RNF111: variants seen among roughly 807,000 people sequenced by gnomAD.
RNF111 encodes the protein E3 ubiquitin-protein ligase Arkadia.
Under a neutral mutation model 95.1 loss-of-function variants are expected in RNF111, and 17 were observed. The ratio of observed to expected loss-of-function variants is 0.18; its 90% confidence interval spans 0.12 to 0.27. The LOEUF is 0.27. RNF111 is among the 10% of genes least tolerant of loss of function. RNF111 has a pLI of 1.00. For synonymous variants in RNF111, 440 were observed against 414.8 expected (o/e 1.06, Z -0.74); for missense variants, 1,189 against 1,210.4 (o/e 0.98, Z 0.26).
At chr15:59,039,417 A>G (rs918067808) in intron 2 of RNF111, among the ~76,000 whole-genome samples, 2 of 152,190 alleles carry the variant, frequency 1.3e-5, no homozygotes, top group African/African-American at 4.8e-5. Flanking sequence ...TTCATTTACC[A>G]CTTCTCAGAA....
chr15:59,076,258 A>T (rs200316505), intron 7 of RNF111, 43 bp downstream of exon 7: 2 of 1,585,904 alleles, frequency 1.3e-6, no homozygotes, highest in East Asian at 4.5e-5. Context: ...AGTCATGTCA[A>T]TGAAGCATTT....
At chr15:59,024,123 A>C (rs1435734483) in intron 1 of RNF111, among the ~76,000 whole-genome samples, 2 of 152,300 alleles carry the variant, frequency 1.3e-5, no homozygotes, top group African/African-American at 4.8e-5. Context: ...CTGAAGAAGG[A>C]AATTGAGCAA....
At chr15:59,006,224 A>C (rs1567204987) in intron 1 of RNF111, among the ~76,000 whole-genome samples, 1 of 152,236 alleles carries the variant, frequency 6.6e-6, no homozygotes, top group South Asian at 2.1e-4. Context: ...TATAATTTAT[A>C]TACAATATGA....
At chr15:59,063,070 T>C (rs2042509253) in intron 5 of RNF111, among the ~76,000 whole-genome samples, 2 of 152,222 alleles carry the variant, frequency 1.3e-5, no homozygotes, top group Non-Finnish European at 2.9e-5. Flanking sequence ...TATCCTAAAT[T>C]GTCTCCATGC....
At position 59,095,272 on chromosome 15, in the gene RNF111, T is replaced by C. The variant is rs1213199809; in HGVS notation, c.*372T>C. 2 of 191,912 alleles carry C rather than the reference T, an allele frequency of 1.0e-5. No homozygotes were observed. The highest frequency in any genetic ancestry group is 1.2e-4 in the Admixed American group (2 of 16,562). The allele number at this position is 191,912 out of a possible 1,614,324, so 11.9% of individuals were successfully genotyped here. On this transcript the variant is annotated 3_prime_UTR_variant, in exon 14 of 14. Transcript: ENST00000348370. ...TTTTTTACATAGTACCAAGCCTTGATAATTATGAATTTTTTATCCATTACT... is the reference window on the plus strand; with the variant it reads ...TTTTTTACATAGTACCAAGCCTTGACAATTATGAATTTTTTATCCATTACT...
At chr15:58,993,221 A>T (rs1479890782) in intron 1 of RNF111, among the ~76,000 whole-genome samples, 1 of 151,760 alleles carries the variant, frequency 6.6e-6, no homozygotes, top group Non-Finnish European at 1.5e-5. Context: ...AATAATTAGT[A>T]AAAGTGGCCA....
chr15:59,069,040 C>T (rs2042793295), intron 6 of RNF111, among the ~76,000 whole-genome samples: 1 of 145,472 alleles, frequency 6.9e-6, no homozygotes, highest in South Asian at 2.1e-4. Flanking sequence ...TGCCACCACA[C>T]TCCAGCCTTG....
At chr15:59,017,868 C>T (rs1447368874) in intron 1 of RNF111, among the ~76,000 whole-genome samples, 1 of 151,138 alleles carries the variant, frequency 6.6e-6, no homozygotes, top group Non-Finnish European at 1.5e-5. Flanking sequence ...AACGATTCTC[C>T]TGCTTCAGCC....
At position 59,044,158 on chromosome 15, in the gene RNF111, G is replaced by A. The variant is rs188956742; in HGVS notation, c.881-8147G>A. On this transcript the variant is annotated intron_variant, in intron 2 of 13. Coordinates refer to ENST00000348370, the MANE Select transcript of RNF111 (RefSeq NM_017610.8). The stretch of plus-strand genomic sequence containing the variant: ...CGATTCTCCTGCCTCAGCCTCATGA[G>A]TAGCTGGGATTAGAGGCACACATCA... 2.2e-4 allele frequency among the ~76,000 whole-genome samples: 33 copies of A among 152,264 alleles called. No individual in the cohort carries two copies. In the East Asian group the frequency reaches 6.2e-3, roughly 29 times the overall value.
chr15:59,023,294 T>C (rs1222114326), intron 1 of RNF111, among the ~76,000 whole-genome samples: 1 of 152,142 alleles, frequency 6.6e-6, no homozygotes, highest in South Asian at 2.1e-4. Flanking sequence ...TTACCCTGTT[T>C]TATAACTGAA....
chr15:59,070,556 C>A (rs12906212), intron 6 of RNF111, among the ~76,000 whole-genome samples: 39,295 of 152,062 alleles, frequency 0.26, 5,223 homozygotes, highest in Middle Eastern at 0.42. Context: ...TATTTACCTG[C>A]ATTGAAGACA....
intron 1 of RNF111, among the ~76,000 whole-genome samples, chr15:59,024,285 C>T (rs1453371809): frequency 2.0e-5 from 3 of 152,030 alleles, no homozygotes; most frequent in Non-Finnish European, 4.4e-5. Flanking sequence ...TTACTTCCTT[C>T]CTTTTACTCA....
chr15:59,023,995 A>G (rs1388815484), intron 1 of RNF111, among the ~76,000 whole-genome samples: 3 of 152,176 alleles, frequency 2.0e-5, no homozygotes, highest in Non-Finnish European at 2.9e-5. Context: ...CAGTTTACCA[A>G]TAATATATAG....
At position 59,081,293 on chromosome 15, in the gene RNF111, T is replaced by C; in HGVS notation, c.2297+9T>C. The C allele has an allele frequency of 6.2e-7, 1 of 1,607,790 alleles. No homozygotes were observed. The highest frequency in any genetic ancestry group is 1.1e-5 in the South Asian group (1 of 90,610). ...ATGATGCAGCATCCAACGTATGTTTTACGTTTTTAAAAAGAAAGTCAAGTT... is the reference window on the plus strand; with the variant it reads ...ATGATGCAGCATCCAACGTATGTTTCACGTTTTTAAAAAGAAAGTCAAGTT... On this transcript the variant is annotated intron_variant, in intron 8 of 13. Transcript: ENST00000348370.
At chr15:59,003,156 C>T (rs899128522) in intron 1 of RNF111, among the ~76,000 whole-genome samples, 1 of 152,196 alleles carries the variant, frequency 6.6e-6, no homozygotes, top group South Asian at 2.1e-4. Flanking sequence ...CACTCAGTTT[C>T]GCAGGCTGGA....
intron 3 of RNF111, among the ~76,000 whole-genome samples, chr15:59,052,896 C>G (rs1441596198): frequency 6.6e-6 from 1 of 151,972 alleles, no homozygotes; most frequent in East Asian, 1.9e-4. Flanking sequence ...AATAATTTTA[C>G]TTAGTGTTTT....
At chr15:59,030,439 A>C (rs1224719923) in intron 1 of RNF111, among the ~76,000 whole-genome samples, 1 of 152,152 alleles carries the variant, frequency 6.6e-6, no homozygotes, top group African/African-American at 2.4e-5. Context: ...TTGAATTCGA[A>C]TCCTTTTATT....
At chr15:59,042,283 C>A in intron 2 of RNF111, among the ~76,000 whole-genome samples, 1 of 151,988 alleles carries the variant, frequency 6.6e-6, no homozygotes, top group Middle Eastern at 3.2e-3. Context: ...CACACCCCCA[C>A]GCCTGGCTAA....
intron 2 of RNF111, among the ~76,000 whole-genome samples, chr15:59,042,068 A>G (rs2041486497): frequency 6.6e-6 from 1 of 151,008 alleles, no homozygotes; most frequent in South Asian, 2.1e-4. Context: ...CCTATATAAT[A>G]CACACATTTT....
Sources: gnomAD v4.1 joint callset for allele counts (sites outside exome capture counted in the v4.1 genomes callset) on GRCh38, gnomAD v4.1.1 for gene constraint, MANE v1.5 for transcripts, NCBI Gene and HGNC (gene_info 2026-07-23, HGNC 2026-07-21) for gene names.